Variants in NLGN4X observed in about 807,000 individuals in gnomAD.
NLGN4X encodes the protein neuroligin 4 X-linked.
Under a neutral mutation model 40.3 loss-of-function variants are expected in NLGN4X, and 3 were observed. The observed-to-expected ratio is 0.07, with a 90% CI of 0.03 to 0.19. NLGN4X has a LOEUF of 0.19. Ranked by LOEUF, NLGN4X falls within the 10% of genes least tolerant of loss-of-function variation. NLGN4X has a pLI of 1.00. For synonymous variants in NLGN4X, 270 were observed against 306.8 expected, an observed-to-expected ratio of 0.88 and a Z score of 1.25; for missense variants, 382 against 708.3, an observed-to-expected ratio of 0.54 and a Z score of 5.23.
intron 2 of NLGN4X, among the ~76,000 whole-genome samples, chrX:6,055,029 C>T (rs980380058): frequency 1.8e-5 from 2 of 112,233 alleles, no homozygotes; most frequent in Non-Finnish European, 3.8e-5. Flanking sequence ...TGTTCCTCTA[C>T]AGACTACTGT....
intron 2 of NLGN4X, among the ~76,000 whole-genome samples, chrX:6,044,819 T>C (rs2037271600): frequency 8.9e-6 from 1 of 112,019 alleles, no homozygotes; most frequent in Non-Finnish European, 1.9e-5. Flanking sequence ...AACCTAAAAC[T>C]GCGCTAATAA....
At chrX:6,100,133 C>T (rs1185915313) in intron 2 of NLGN4X, among the ~76,000 whole-genome samples, 1 of 112,761 alleles carries the variant, frequency 8.9e-6, no homozygotes, top group Non-Finnish European at 1.9e-5. Flanking sequence ...TTATCTGCAG[C>T]AGGAGCATGT....
intron 3 of NLGN4X, among the ~76,000 whole-genome samples, chrX:5,911,968 A>G (rs6654799): frequency 0.19 from 20,676 of 111,519 alleles, 1,659 homozygotes; most frequent in African/African-American, 0.3. Flanking sequence ...AGAATGAGAG[A>G]GGCCTGAATT....
At chrX:6,101,522 G>A (rs148421058) in intron 2 of NLGN4X, among the ~76,000 whole-genome samples, 40 of 111,735 alleles carry the variant, frequency 3.6e-4, no homozygotes, top group African/African-American at 1.2e-3. Flanking sequence ...TTACAACATA[G>A]ATAAAACTGG....
chrX:6,066,561 G>A (rs1045129191), intron 2 of NLGN4X, among the ~76,000 whole-genome samples: 2 of 111,138 alleles, frequency 1.8e-5, no homozygotes, highest in African/African-American at 3.3e-5. Flanking sequence ...TGAGGCAGGC[G>A]GATCATGAGG....
At chrX:6,225,680 T>A (rs1926159133) in intron 1 of NLGN4X, among the ~76,000 whole-genome samples, 2 of 74,561 alleles carry the variant, frequency 2.7e-5, no homozygotes, top group African/African-American at 9.7e-5. Flanking sequence ...TTTTTTTCTT[T>A]CTTTTTTTCT....
intron 1 of NLGN4X, among the ~76,000 whole-genome samples, chrX:6,156,306 G>A (rs1388728879): frequency 2.7e-5 from 3 of 111,832 alleles, no homozygotes; most frequent in Admixed American, 9.5e-5. Context: ...TCAGGAGATC[G>A]AGACCATCCT....
At chrX:6,114,489 T>C (rs1478887435) in intron 2 of NLGN4X, among the ~76,000 whole-genome samples, 1 of 106,304 alleles carries the variant, frequency 9.4e-6, no homozygotes, top group Non-Finnish European at 1.9e-5. Context: ...AAATAGTCTC[T>C]GCAAAGTCAG....
intron 2 of NLGN4X, among the ~76,000 whole-genome samples, chrX:6,117,389 T>C (rs1411736400): frequency 9.0e-6 from 1 of 110,729 alleles, no homozygotes; most frequent in Non-Finnish European, 1.9e-5. Flanking sequence ...GTTCAATGCA[T>C]GCTCTACTGC....
intron 1 of NLGN4X, among the ~76,000 whole-genome samples, chrX:6,206,407 G>C (rs1924039139): frequency 9.0e-6 from 1 of 111,321 alleles, no homozygotes; most frequent in Admixed American, 9.5e-5. Flanking sequence ...TACAGTCTTT[G>C]TCAAATAAGT....
At chrX:6,135,569 G>C (rs1475392471) in intron 2 of NLGN4X, among the ~76,000 whole-genome samples, 1 of 111,061 alleles carries the variant, frequency 9.0e-6, no homozygotes, top group Non-Finnish European at 1.9e-5. Flanking sequence ...AAGCCTACTG[G>C]ACTTACCCAA....
chrX:6,006,785 C>T (rs947589137), intron 3 of NLGN4X, among the ~76,000 whole-genome samples: 7 of 111,403 alleles, frequency 6.3e-5, no homozygotes, highest in Admixed American at 3.8e-4. Context: ...TTTTGAAAAA[C>T]GTCAAAAAGC....
rs185647854 is a variant in NLGN4X, at chrX:6,201,088, A to G, written c.-306+27453T>C. Among the ~76,000 whole-genome samples the G allele has an allele frequency of 1.8e-4, 20 of 111,683 alleles. No individual in the cohort carries two copies. The East Asian group carries it at 5.3e-3, about 30-fold the overall frequency. On this transcript the variant is annotated intron_variant, in intron 1 of 5. Transcript: ENST00000381095. ...GAGGAAACTGAGACACAAGACGTCA[A>G]CTACTGAAATTCACACTCAAGAAAG...
intron 2 of NLGN4X, among the ~76,000 whole-genome samples, chrX:6,119,863 ATTATAT>A (rs2039383301): frequency 9.0e-6 from 1 of 111,601 alleles, no homozygotes; most frequent in African/African-American, 3.3e-5. Context: ...TTAAGGTACC[ATTATAT>A]TTATATTACT....
intron 2 of NLGN4X, among the ~76,000 whole-genome samples, chrX:6,059,450 G>A (rs775995941): frequency 9.0e-6 from 1 of 111,560 alleles, no homozygotes; most frequent in African/African-American, 3.3e-5. Context: ...CATCTGTGTT[G>A]CCTTGTTCTC....
intron 4 of NLGN4X, among the ~76,000 whole-genome samples, chrX:5,908,805 G>C (rs2032335522): frequency 1.8e-5 from 2 of 111,822 alleles, no homozygotes; most frequent in South Asian, 3.7e-4. Context: ...GATGGGAGAA[G>C]CCTTAAGCCC....
chrX:6,048,479 T>C (rs1034415978), intron 2 of NLGN4X, among the ~76,000 whole-genome samples: 6 of 111,573 alleles, frequency 5.4e-5, no homozygotes, highest in African/African-American at 1.3e-4. Flanking sequence ...TATTAAAGAA[T>C]ATGAGTTTTC....
intron 1 of NLGN4X, among the ~76,000 whole-genome samples, chrX:6,177,226 T>C (rs1308337977): frequency 8.9e-6 from 1 of 112,186 alleles, no homozygotes; most frequent in Non-Finnish European, 1.9e-5. Flanking sequence ...TGACACCATC[T>C]TGACTCATTG....
chrX:5,903,217 C>T lies in NLGN4X; in HGVS notation c.1461G>A (p.Ser487=), dbSNP rs755401801. The T allele has an allele frequency of 2.5e-6, 3 of 1,211,733 alleles. No homozygotes were observed. Among genetic ancestry groups the T allele is most frequent in the African/African-American group, 1.7e-5 (1 of 57,732 alleles). ...QSEMKPSWAD[S]AHGDEVPYVF... is the part of the protein sequence containing the mutation. ...CATAGGGGACCTCATCACCATGGGC[C>T]GAATCTGCCCAGCTGGGCTTCATTT... Residue 487 remains serine (S), a synonymous_variant, in exon 5 of 6, where the codon TCG becomes TCA. Coordinates refer to ENST00000381095, the MANE Select transcript of NLGN4X (RefSeq NM_181332.3).
Sources: gnomAD v4.1 joint callset for allele counts (sites outside exome capture counted in the v4.1 genomes callset) on GRCh38, gnomAD v4.1.1 for gene constraint, MANE v1.5 for transcripts, NCBI Gene and HGNC (gene_info 2026-07-23, HGNC 2026-07-21) for gene names.